Variants in SEC24D observed in about 807,000 individuals in gnomAD.
SEC24D encodes protein transport protein Sec24D.
SEC24D carries 69 observed loss-of-function variants against 116.9 expected under a neutral mutation model. The observed-to-expected ratio is 0.59, with a 90% CI of 0.49 to 0.72. The LOEUF (loss-of-function observed/expected upper bound fraction) is 0.72. SEC24D is among the 30% of genes least tolerant of loss of function. The pLI, the probability that SEC24D is intolerant of heterozygous loss-of-function variation, is 0.00. For synonymous variants in SEC24D, 405 were observed against 442.8 expected, an observed-to-expected ratio of 0.91 and a Z score of 1.07; for missense variants, 1,131 against 1,264.1, an observed-to-expected ratio of 0.89 and a Z score of 1.60.
At chr4:118,755,250 T>C (rs1303027988) in intron 11 of SEC24D, among the ~76,000 whole-genome samples, 2 of 152,060 alleles carry the variant, frequency 1.3e-5, no homozygotes, top group Non-Finnish European at 2.9e-5. Context: ...ATTCTAGACA[T>C]GTTTTGTGAA....
intron 7 of SEC24D, among the ~76,000 whole-genome samples, chr4:118,804,800 T>C (rs1729598398): frequency 6.6e-6 from 1 of 151,898 alleles, no homozygotes; most frequent in Non-Finnish European, 1.5e-5. Flanking sequence ...AATATTAGTA[T>C]CTACAACACC....
intron 18 of SEC24D, 26 bp from the exon 19 acceptor site, chr4:118,738,405 CATG>C (rs1323277975): frequency 6.7e-7 from 1 of 1,494,940 alleles, no homozygotes; most frequent in Non-Finnish European, 9.3e-7. Flanking sequence ...ATGAAAAGGA[CATG>C]AGTTTTAGCT....
intron 8 of SEC24D, among the ~76,000 whole-genome samples, chr4:118,778,260 A>T (rs1728240083): frequency 6.6e-6 from 1 of 152,184 alleles, no homozygotes; most frequent in Non-Finnish European, 1.5e-5. Flanking sequence ...TAAGTCTTTA[A>T]TCCATCTTGT....
intron 13 of SEC24D, 114 bp downstream of exon 13, chr4:118,751,882 G>A (rs888530123): frequency 2.3e-5 from 17 of 747,570 alleles, no homozygotes; most frequent in Non-Finnish European, 3.4e-5. Flanking sequence ...ATAGCCTCTA[G>A]TGACCCACGT....
chr4:118,780,689 A>T (rs1462698538), intron 8 of SEC24D, among the ~76,000 whole-genome samples: 1 of 150,596 alleles, frequency 6.6e-6, no homozygotes, highest in African/African-American at 2.4e-5. Context: ...CTGTCTAAAA[A>T]GTCTCCCATT....
In SEC24D at chr4:118,826,844, G is replaced by A. The variant is rs537270895; in HGVS notation, c.119-2095C>T. Among the ~76,000 whole-genome samples, 149 of 152,126 alleles carry A rather than the reference G, an allele frequency of 9.8e-4. 1 individual carries two copies. Among genetic ancestry groups the A allele is most frequent in the African/African-American group, 3.3e-3 (137 of 41,472 alleles). ...CTATGGCAGTGATTCAAATCATTCT[G>A]TGGCATTCTCAAATCATTCTCATTA... On this transcript the variant is annotated intron_variant, in intron 2 of 22. Transcript: ENST00000280551.
intron 8 of SEC24D, among the ~76,000 whole-genome samples, chr4:118,776,997 C>A (rs974681915): frequency 6.6e-6 from 1 of 152,128 alleles, no homozygotes; most frequent in Non-Finnish European, 1.5e-5. Flanking sequence ...CTTTGTCTCT[C>A]TGGCAGAATT....
intron 7 of SEC24D, among the ~76,000 whole-genome samples, chr4:118,804,872 G>GTGTA (rs1294064726): frequency 8.1e-6 from 1 of 124,164 alleles, no homozygotes; most frequent in East Asian, 2.4e-4. Context: ...GCATACTTAT[G>GTGTA]TGTATGCATG....
intron 15 of SEC24D, among the ~76,000 whole-genome samples, chr4:118,742,153 A>C (rs1726251600): frequency 6.6e-6 from 1 of 152,140 alleles, no homozygotes; most frequent in Non-Finnish European, 1.5e-5. Flanking sequence ...TGGGGTTGGC[A>C]AGTAACTCAA....
At position 118,723,415 on chromosome 4, in the gene SEC24D, A is replaced by G; in HGVS notation, c.*100T>C. 8.1e-7 allele frequency: 1 copy of G among 1,241,576 alleles called. No individual in the cohort carries two copies. Among genetic ancestry groups the G allele is most frequent in the Non-Finnish European group, 1.1e-6 (1 of 891,612 alleles). The allele number at this position is 1,241,576 out of a possible 1,614,324, so 76.9% of individuals were successfully genotyped here. The stretch of plus-strand genomic sequence containing the variant: ...TTCCTGGAAAGTTATTCTGAAAATG[A>G]GCAAGAAATCAAAACTAGCCTATTA... On this transcript the variant is annotated 3_prime_UTR_variant, in exon 23 of 23. Transcript: ENST00000280551.
At chr4:118,785,955 A>C (rs1578433098) in intron 8 of SEC24D, among the ~76,000 whole-genome samples, 1 of 152,208 alleles carries the variant, frequency 6.6e-6, no homozygotes, top group East Asian at 1.9e-4. Flanking sequence ...TCCATGGCAA[A>C]ATTTGATATT....
At chr4:118,734,431 T>C (rs1725855275) in intron 19 of SEC24D, among the ~76,000 whole-genome samples, 11 of 152,036 alleles carry the variant, frequency 7.2e-5, no homozygotes, top group Admixed American at 7.2e-4. Flanking sequence ...CAGGCTGGTC[T>C]CAAACTCCTG....
In SEC24D at chr4:118,814,412, A is replaced by C. The variant is rs1730050263; in HGVS notation, c.801+616T>G. On this transcript the variant is annotated intron_variant, in intron 6 of 22. Transcript: ENST00000280551. ...GAAGCAGAGCCTAAATCCAATCTGCAGCTGCCACAGCCTACATGTAAACTG... is the reference window on the plus strand; with the variant it reads ...GAAGCAGAGCCTAAATCCAATCTGCCGCTGCCACAGCCTACATGTAAACTG... Among the ~76,000 whole-genome samples the C allele has an allele frequency of 2.6e-5, 4 of 152,206 alleles. No individual in the cohort carries two copies. The South Asian group carries it at 8.3e-4, about 31-fold the overall frequency.
At chr4:118,740,552 T>C (rs1237111073) in intron 17 of SEC24D, 111 bp downstream of exon 17, 1 of 1,235,102 alleles carries the variant, frequency 8.1e-7, no homozygotes, top group Non-Finnish European at 1.1e-6. Context: ...GGAGAAAGAG[T>C]TGAATTTTTT....
intron 4 of SEC24D, among the ~76,000 whole-genome samples, 175 bp downstream of exon 4, chr4:118,817,089 A>T (rs1171165583): frequency 6.6e-6 from 1 of 152,224 alleles, no homozygotes; most frequent in Non-Finnish European, 1.5e-5. Context: ...CATGATCAAG[A>T]AAACAATTAA....
intron 12 of SEC24D, among the ~76,000 whole-genome samples, chr4:118,752,300 G>GTAGATATTT (rs1242593925): frequency 6.6e-6 from 1 of 152,086 alleles, no homozygotes; most frequent in Middle Eastern, 3.2e-3. Flanking sequence ...ATCATTCTTT[G>GTAGATATTT]TAGATATTTT....
At chr4:118,834,825 TTAAGA>T (rs1220693813) in intron 1 of SEC24D, among the ~76,000 whole-genome samples, 4 of 152,218 alleles carry the variant, frequency 2.6e-5, no homozygotes, top group African/African-American at 9.6e-5. Flanking sequence ...TTGCTACAAT[TTAAGA>T]TAAGAGATCA....
chr4:118,759,921 A>C (rs951447381), intron 10 of SEC24D, among the ~76,000 whole-genome samples: 2 of 152,206 alleles, frequency 1.3e-5, no homozygotes, highest in Admixed American at 1.3e-4. Flanking sequence ...CCAGCACCTT[A>C]GACTCAAAAT....
Position 118,732,732 on chromosome 4 carries a change from C to G in SEC24D, c.2676+1G>C. ...GAAATGCACCACCCCAGCATGCTTA[C>G]TATGGGCAGAAGTTGTGGGTAGAAG... On this transcript the variant is annotated splice_donor_variant, in intron 20 of 22. Transcript: ENST00000280551. LOFTEE classifies it high-confidence loss of function. 2.5e-6 allele frequency: 4 copies of G among 1,613,538 alleles called. No homozygotes were observed. Among genetic ancestry groups the G allele is most frequent in the Non-Finnish European group, 2.5e-6 (3 of 1,179,674 alleles).
Sources: allele counts gnomAD v4.1 joint callset (sites outside exome capture counted in the v4.1 genomes callset), GRCh38; gene constraint gnomAD v4.1.1; transcripts MANE v1.5; gene names NCBI Gene and HGNC (gene_info 2026-07-23, HGNC 2026-07-21).